DSCAML1: variants seen among roughly 807,000 people sequenced by gnomAD.
DSCAML1 encodes DS cell adhesion molecule like 1.
Under a neutral mutation model 200.5 loss-of-function variants are expected in DSCAML1, and 38 were observed. The ratio of observed to expected loss-of-function variants is 0.19; its 90% CI spans 0.15 to 0.25. The LOEUF is 0.25. DSCAML1 is among the 10% of genes least tolerant of loss of function. DSCAML1 has a pLI of 1.00. For synonymous variants in DSCAML1, 1,215 were observed against 1,165.0 expected, an observed-to-expected ratio of 1.04 and a Z score of -0.87; for missense variants, 2,223 against 2,858.8, an observed-to-expected ratio of 0.78 and a Z score of 5.07.
At position 117,780,231 on chromosome 11, in the gene DSCAML1, GGAAAGAAA is replaced by G. The variant is rs762329735; in HGVS notation, c.364+254_364+261del. Among the ~76,000 whole-genome samples the G allele has an allele frequency of 0.013, 804 of 60,610 alleles. 22 individuals carry two copies. The highest frequency in any genetic ancestry group is 0.044 in the African/African-American group (677 of 15,218). 39.8% of individuals were successfully genotyped at this position (60,610 alleles called of 152,430 possible). On this transcript the variant is annotated intron_variant, in intron 2 of 32. Coordinates refer to ENST00000651296, the MANE Select transcript of DSCAML1 (RefSeq NM_020693.4). This position sits in a 1 kb window ranked among gnomAD's most constrained non-coding sequence, Gnocchi z 4.8. ...AAAGAGAGAGAGAGAAAGAAAGAAA[GGAAAGAAA>G]GAAAGAAAGAAAGAAAGAAAGAAAG...
chr11:117,579,942 G>T (rs1356756922), intron 3 of DSCAML1, among the ~76,000 whole-genome samples: 1 of 152,192 alleles, frequency 6.6e-6, no homozygotes, highest in Non-Finnish European at 1.5e-5. Flanking sequence ...GAATAATTGG[G>T]AAGAGTGTCA....
Position 117,427,839 on chromosome 11 carries a change from G to A in DSCAML1, c.*489C>T, listed in dbSNP as rs11216380. Reference sequence around the variant, plus strand: ...CATAGAAAAAGGTATTAACACATAAGCATCTGCAAATTGAAGCAACTCCTG... The same window carrying A: ...CATAGAAAAAGGTATTAACACATAAACATCTGCAAATTGAAGCAACTCCTG... On this transcript the variant is annotated 3_prime_UTR_variant, in exon 33 of 33. Transcript: ENST00000651296. The A allele has an allele frequency of 0.01, 1,560 of 153,298 alleles. 13 individuals are homozygous for A. The highest frequency in any genetic ancestry group is 0.016 in the Non-Finnish European group (1,112 of 68,458). The allele number at this position is 153,298 out of a possible 1,614,324, so 9.5% of individuals were successfully genotyped here.
intron 14 of DSCAML1, among the ~76,000 whole-genome samples, chr11:117,474,355 T>C (rs548578519): frequency 6.6e-6 from 1 of 152,164 alleles, no homozygotes; most frequent in Non-Finnish European, 1.5e-5. Context: ...CTTCTCTCTG[T>C]CTCTGTGCAG....
At chr11:117,750,989 C>T (rs2054595681) in intron 3 of DSCAML1, among the ~76,000 whole-genome samples, 1 of 152,146 alleles carries the variant, frequency 6.6e-6, no homozygotes, top group African/African-American at 2.4e-5. Context: ...ACAGTCTTCC[C>T]AGGCTCCTTA....
intron 2 of DSCAML1, among the ~76,000 whole-genome samples, chr11:117,778,816 G>A (rs1320847595): frequency 6.6e-6 from 1 of 152,214 alleles, no homozygotes; most frequent in Non-Finnish European, 1.5e-5. Context: ...AGGCCTCAGG[G>A]CTCCCAGCCC....
At chr11:117,485,874 G>A (rs1216373166) in intron 11 of DSCAML1, among the ~76,000 whole-genome samples, 3 of 152,228 alleles carry the variant, frequency 2.0e-5, no homozygotes, top group Non-Finnish European at 4.4e-5. Context: ...CCATTGAAGT[G>A]TCAAAAGTGG....
chr11:117,532,338 C>G, intron 4 of DSCAML1, 38 bp downstream of exon 4: 1 of 1,595,022 alleles, frequency 6.3e-7, no homozygotes, highest in Non-Finnish European at 8.5e-7. Flanking sequence ...GTCCTCCCTT[C>G]CCAGCCTGCC....
intron 3 of DSCAML1, among the ~76,000 whole-genome samples, chr11:117,693,588 G>A (rs940126137): frequency 1.3e-5 from 2 of 152,170 alleles, no homozygotes; most frequent in Non-Finnish European, 2.9e-5. Flanking sequence ...ACCAAAGGAT[G>A]CTGGGAAAAG....
At chr11:117,644,200 C>G (rs1249792598) in intron 3 of DSCAML1, among the ~76,000 whole-genome samples, 1 of 152,250 alleles carries the variant, frequency 6.6e-6, no homozygotes, top group Non-Finnish European at 1.5e-5. Flanking sequence ...CAGCCACCCC[C>G]ACCAAGTCTC....
intron 3 of DSCAML1, among the ~76,000 whole-genome samples, chr11:117,637,344 AT>A (rs36023662): frequency 0.043 from 6,033 of 139,002 alleles, 176 homozygotes; most frequent in South Asian, 0.11. Context: ...GTGCTCAATA[AT>A]TTTTTTTTTT....
intron 3 of DSCAML1, among the ~76,000 whole-genome samples, chr11:117,672,138 C>T (rs962129034): frequency 7.1e-6 from 1 of 139,924 alleles, no homozygotes; most frequent in African/African-American, 2.9e-5. Context: ...AAACCTTGGG[C>T]CTCATCCAGG....
chr11:117,646,003 T>C (rs1185785043), intron 3 of DSCAML1, among the ~76,000 whole-genome samples: 1 of 152,200 alleles, frequency 6.6e-6, no homozygotes, highest in East Asian at 1.9e-4. Flanking sequence ...ATTTCTATTT[T>C]CAAATGTGGT....
intron 3 of DSCAML1, among the ~76,000 whole-genome samples, chr11:117,700,543 G>A (rs1355702669): frequency 6.6e-6 from 1 of 152,238 alleles, no homozygotes; most frequent in African/African-American, 2.4e-5. Context: ...TATTGGGCCA[G>A]ATGTAGCACA....
intron 3 of DSCAML1, among the ~76,000 whole-genome samples, chr11:117,721,648 ATATT>A (rs2054042670): frequency 6.8e-6 from 1 of 148,054 alleles, no homozygotes; most frequent in African/African-American, 2.4e-5. Context: ...ATGTAAACAT[ATATT>A]TAAATATATG....
chr11:117,500,502 C>T (rs574525039), intron 11 of DSCAML1, among the ~76,000 whole-genome samples: 28 of 151,958 alleles, frequency 1.8e-4, no homozygotes, highest in Non-Finnish European at 3.7e-4. Context: ...TTAGACCTTA[C>T]CAACGCACAA....
At chr11:117,628,653 G>T (rs2052106390) in intron 3 of DSCAML1, among the ~76,000 whole-genome samples, 1 of 152,080 alleles carries the variant, frequency 6.6e-6, no homozygotes, top group African/African-American at 2.4e-5. Context: ...TTCTTAAATG[G>T]GAGTCACTCT....
intron 3 of DSCAML1, among the ~76,000 whole-genome samples, chr11:117,583,442 C>G (rs880812): frequency 0.49 from 74,561 of 151,990 alleles, 18,954 homozygotes; most frequent in Non-Finnish European, 0.56. Context: ...CCGCAAGAAT[C>G]CCCTGCCCAT....
chr11:117,593,363 G>A (rs2051297234), intron 3 of DSCAML1, among the ~76,000 whole-genome samples: 1 of 152,238 alleles, frequency 6.6e-6, no homozygotes, highest in South Asian at 2.1e-4. Context: ...GCACCTCGCT[G>A]GGGCCTGGGG....
At chr11:117,562,965 C>T (rs970266270) in intron 3 of DSCAML1, among the ~76,000 whole-genome samples, 5 of 152,194 alleles carry the variant, frequency 3.3e-5, no homozygotes, top group African/African-American at 1.2e-4. Flanking sequence ...GGCTTGCTGA[C>T]ACTGTCTGGA....
Sources: gnomAD v4.1 joint callset for allele counts (sites outside exome capture counted in the v4.1 genomes callset) on GRCh38, gnomAD v4.1.1 for gene constraint, Gnocchi (gnomAD v3.1) non-coding constraint, MANE v1.5 for transcripts, NCBI Gene and HGNC (gene_info 2026-07-23, HGNC 2026-07-21) for gene names.